The following TBC1D1 variants were observed in gnomAD, a reference collection of about 807,000 sequenced individuals.
The protein encoded by TBC1D1 is TBC1 (tre-2/USP6, BUB2, cdc16) domain family, member 1.
A neutral mutation model predicts 125.6 loss-of-function variants in TBC1D1; 89 were observed. The observed-to-expected ratio is 0.71, with a 90% CI of 0.60 to 0.85. The LOEUF (loss-of-function observed/expected upper bound fraction) is 0.85. Among genes scored for constraint, TBC1D1 ranks in the 40% least tolerant of loss-of-function variants. The pLI is 0.00. For synonymous variants in TBC1D1, 565 were observed against 564.1 expected (o/e 1.00, Z -0.02); for missense variants, 1,377 against 1,469.2 (o/e 0.94, Z 1.03).
At position 38,061,140 on chromosome 4, in the gene TBC1D1, TG is replaced by T. The variant is rs536403157; in HGVS notation, c.2050+6803del. Reference sequence around the variant, plus strand: ...AGGTTTAAAGAAAGATTTGACCATATGCCAGGTGAACCCAAATGTATGGTGC... The same window carrying T: ...AGGTTTAAAGAAAGATTTGACCATATCCAGGTGAACCCAAATGTATGGTGC... On this transcript the variant is annotated intron_variant, in intron 12 of 19. Coordinates refer to ENST00000261439, the MANE Select transcript of TBC1D1 (RefSeq NM_015173.4). Among the ~76,000 whole-genome samples, 17 of 152,362 alleles carry T rather than the reference TG, an allele frequency of 1.1e-4. No homozygotes were observed. In the South Asian group the frequency reaches 3.5e-3, roughly 32 times the overall value.
At chr4:38,131,464 G>A (rs926356915) in intron 18 of TBC1D1, among the ~76,000 whole-genome samples, 3 of 152,170 alleles carry the variant, frequency 2.0e-5, no homozygotes, top group African/African-American at 7.2e-5. Flanking sequence ...GAAATGTGAG[G>A]GTTTTGTGGC....
At chr4:37,930,878 A>G (rs1723120002) in intron 2 of TBC1D1, among the ~76,000 whole-genome samples, 1 of 152,192 alleles carries the variant, frequency 6.6e-6, no homozygotes. Context: ...AAATTAAGGG[A>G]CATTTAAAAG....
intron 17 of TBC1D1, 27 bp from the exon 20 acceptor site, chr4:38,124,935 A>T: frequency 6.2e-7 from 1 of 1,610,374 alleles, no homozygotes. Flanking sequence ...GTCTGGTTTA[A>T]CTTTCTGCAT....
Position 38,034,394 on chromosome 4 carries a change from G to A in TBC1D1, c.1303-1194G>A, listed in dbSNP as rs185523337. ...GTCCGAAATTTGAAAGAACAGGAAG[G>A]CCTCAATGAAAACAAACCCTTCTAA... On this transcript the variant is annotated intron_variant, in intron 7 of 19. Coordinates refer to ENST00000261439, the MANE Select transcript of TBC1D1 (RefSeq NM_015173.4). 4.6e-5 allele frequency among the ~76,000 whole-genome samples: 7 copies of A among 152,346 alleles called. No individual in the cohort carries two copies. The South Asian group carries it at 6.2e-4, about 14-fold the overall frequency.
chr4:38,136,152 A>G (rs1766572769), intron 19 of TBC1D1, among the ~76,000 whole-genome samples: 1 of 152,172 alleles, frequency 6.6e-6, no homozygotes, highest in African/African-American at 2.4e-5. Context: ...TAATGTCACT[A>G]GAGCTAACAC....
At chr4:37,982,872 T>C (rs1184156407) in intron 2 of TBC1D1, among the ~76,000 whole-genome samples, 2 of 152,176 alleles carry the variant, frequency 1.3e-5, no homozygotes, top group Non-Finnish European at 2.9e-5. Flanking sequence ...TTGACGAATG[T>C]ACTAAGCAGG....
At position 38,122,202 on chromosome 4, in the gene TBC1D1, A is replaced by G. The variant is rs78671171; in HGVS notation, c.2963-2760A>G. 4.0e-3 allele frequency among the ~76,000 whole-genome samples: 609 copies of G among 152,302 alleles called. 6 individuals carry two copies. The highest frequency in any genetic ancestry group is 0.014 in the African/African-American group (583 of 41,568). ...TCTCCAAAGGTGGCCTTTCTCTGAC[A>G]CTAACTAGCCCTTGCAGGGGTCATA... On this transcript the variant is annotated intron_variant, in intron 17 of 19. Coordinates refer to ENST00000261439, the MANE Select transcript of TBC1D1 (RefSeq NM_015173.4).
chr4:38,052,728 GCACACACA>G lies in TBC1D1; in HGVS notation c.1911-1442_1911-1435del, dbSNP rs56153191. 4.3e-3 allele frequency among the ~76,000 whole-genome samples: 506 copies of G among 118,318 alleles called. 3 individuals carry two copies. Among genetic ancestry groups the G allele is most frequent in the Middle Eastern group, 0.025 (6 of 240 alleles). 77.6% of individuals were successfully genotyped at this position (118,318 alleles called of 152,430 possible). A position where few individuals can be genotyped will look rare whatever the true frequency, so the allele number is the denominator to read the frequency against. On this transcript the variant is annotated intron_variant, in intron 11 of 19. Transcript: ENST00000261439. Reference sequence around the variant, plus strand: ...TACACACACACGCGCGCGCGCGCGCGCACACACACACACACACACACACACACACACAC... The same window carrying G: ...TACACACACACGCGCGCGCGCGCGCGCACACACACACACACACACACACAC...
chr4:38,083,934 CTT>C (rs61161366), intron 12 of TBC1D1, among the ~76,000 whole-genome samples: 5 of 133,280 alleles, frequency 3.8e-5, no homozygotes, highest in Non-Finnish European at 1.6e-5. Context: ...TGAATGTTGT[CTT>C]TTTTTTTTTT....
At chr4:37,993,652 A>G (rs1737140719) in intron 2 of TBC1D1, among the ~76,000 whole-genome samples, 1 of 151,788 alleles carries the variant, frequency 6.6e-6, no homozygotes, top group South Asian at 2.1e-4. Flanking sequence ...CGCAATCTCA[A>G]CTCACTGCAA....
chr4:37,983,121 CTTTT>C (rs71190937), intron 2 of TBC1D1, among the ~76,000 whole-genome samples: 12 of 116,560 alleles, frequency 1.0e-4, no homozygotes, highest in Admixed American at 1.9e-4. Flanking sequence ...TCCCCAAACT[CTTTT>C]TTTTTTTTTT....
chr4:38,048,784 G>A (rs563962116), intron 10 of TBC1D1, among the ~76,000 whole-genome samples: 14 of 152,020 alleles, frequency 9.2e-5, no homozygotes, highest in Admixed American at 6.5e-4. Context: ...CCACGTCCTG[G>A]GTGCAGTGTT....
chr4:38,026,224 G>A (rs561127485), intron 6 of TBC1D1, among the ~76,000 whole-genome samples: 8 of 152,280 alleles, frequency 5.3e-5, no homozygotes, highest in African/African-American at 1.9e-4. Context: ...AAAAAAAAGG[G>A]AAAAAGAATG....
rs1215951890 is a variant in TBC1D1, at chr4:38,087,845, C to CAAAAAAAA, written c.2051-2077_2051-2070dup. Among the ~76,000 whole-genome samples the CAAAAAAAA allele has an allele frequency of 9.0e-4, 61 of 67,874 alleles. 1 individual carries two copies. The highest frequency in any genetic ancestry group is 3.1e-3 in the African/African-American group (60 of 19,230). The allele number at this position is 67,874 out of a possible 152,430, so 44.5% of individuals were successfully genotyped here. On this transcript the variant is annotated intron_variant, in intron 12 of 19. Coordinates refer to ENST00000261439, the MANE Select transcript of TBC1D1 (RefSeq NM_015173.4). Reference sequence around the variant, plus strand: ...TGGGCAACAGAATGAGATTCCGTCTCAAAAAAAAAAAAAAAAAGAAAAAAA... The same window carrying CAAAAAAAA: ...TGGGCAACAGAATGAGATTCCGTCTCAAAAAAAAAAAAAAAAAAAAAAAAAGAAAAAAA...
intron 3 of TBC1D1, among the ~76,000 whole-genome samples, chr4:38,016,174 T>C (rs1381922639): frequency 6.6e-6 from 1 of 152,318 alleles, no homozygotes; most frequent in East Asian, 1.9e-4. Flanking sequence ...CTAATTATAA[T>C]TGTGGTAAAT....
chr4:38,096,208 C>G, intron 14 of TBC1D1, 118 bp downstream of exon 16: 1 of 772,054 alleles, frequency 1.3e-6, no homozygotes, highest in Non-Finnish European at 2.1e-6. Context: ...CTTTTCATCA[C>G]ATCTTAATCT....
intron 2 of TBC1D1, among the ~76,000 whole-genome samples, chr4:37,916,852 C>A (rs75636080): frequency 0.095 from 14,424 of 152,138 alleles, 870 homozygotes; most frequent in Middle Eastern, 0.15. Context: ...CACACTGCAA[C>A]CCCTGCTTCC....
chr4:37,935,638 C>T (rs1258647114), intron 2 of TBC1D1, among the ~76,000 whole-genome samples: 2 of 152,208 alleles, frequency 1.3e-5, no homozygotes, highest in African/African-American at 4.8e-5. Flanking sequence ...ATTCACTCCA[C>T]CAGCGTCCAG....
intron 14 of TBC1D1, among the ~76,000 whole-genome samples, chr4:38,098,373 A>C (rs1759728763): frequency 6.6e-6 from 1 of 152,232 alleles, no homozygotes; most frequent in Non-Finnish European, 1.5e-5. Flanking sequence ...GGCAAATTGC[A>C]TGGGTCTGTG....
Sources: gnomAD v4.1 joint callset for allele counts (sites outside exome capture counted in the v4.1 genomes callset) on GRCh38, gnomAD v4.1.1 for gene constraint, MANE v1.5 for transcripts, NCBI Gene and HGNC (gene_info 2026-07-23, HGNC 2026-07-21) for gene names.